The following CELF4 variants were observed in gnomAD, a reference collection of about 807,000 sequenced individuals.
CELF4 encodes the protein CUGBP Elav-like family member 4.
CELF4 carries 18 observed loss-of-function variants against 59.9 expected under a neutral mutation model. The ratio of observed to expected loss-of-function variants is 0.30; its 90% CI spans 0.21 to 0.45. CELF4 has a LOEUF of 0.45. Ranked by LOEUF, CELF4 falls within the 20% of genes least tolerant of loss-of-function variation. The pLI, the probability that CELF4 is intolerant of heterozygous loss-of-function variation, is 1.00. For missense variants in CELF4, 456 were observed against 689.0 expected (o/e 0.66, Z 3.79); for synonymous variants, 261 against 267.1 (o/e 0.98, Z 0.22).
At chr18:37,408,086 T>A (rs1206337917) in intron 2 of CELF4, among the ~76,000 whole-genome samples, 2 of 152,142 alleles carry the variant, frequency 1.3e-5, no homozygotes, top group African/African-American at 4.8e-5. Flanking sequence ...AAAGTGGAAT[T>A]TGGAATAGCT....
intron 3 of CELF4, among the ~76,000 whole-genome samples, chr18:37,286,592 T>C (rs1043089147): frequency 2.0e-5 from 3 of 152,288 alleles, no homozygotes; most frequent in Non-Finnish European, 2.9e-5. Flanking sequence ...ATATTGACAG[T>C]GGGGCTTGGC....
At chr18:37,312,110 C>CAAAAAAAAA (rs59872500) in intron 3 of CELF4, among the ~76,000 whole-genome samples, 3 of 50,776 alleles carry the variant, frequency 5.9e-5, no homozygotes, top group Non-Finnish European at 8.0e-5. Context: ...GATTCCGTCT[C>CAAAAAAAAA]AAAAAAAAAA....
intron 3 of CELF4, among the ~76,000 whole-genome samples, chr18:37,298,459 C>A (rs1272156151): frequency 6.6e-6 from 1 of 152,158 alleles, no homozygotes; most frequent in Non-Finnish European, 1.5e-5. Context: ...GTGGCTCACA[C>A]CTGTAATCCC....
At chr18:37,552,839 T>C (rs1171859602) in intron 1 of CELF4, among the ~76,000 whole-genome samples, 1 of 152,198 alleles carries the variant, frequency 6.6e-6, no homozygotes, top group Non-Finnish European at 1.5e-5. Flanking sequence ...GGAGGAAGCA[T>C]GTCCTCTGCA....
At chr18:37,362,336 C>T (rs1194935592) in intron 2 of CELF4, among the ~76,000 whole-genome samples, 4 of 152,200 alleles carry the variant, frequency 2.6e-5, no homozygotes, top group Non-Finnish European at 4.4e-5. Context: ...GTCAGGGTTG[C>T]GGACGCATCA....
Position 37,445,871 on chromosome 18 carries a change from C to T in CELF4, c.369+39654G>A, listed in dbSNP as rs1310074806. Among the ~76,000 whole-genome samples the T allele has an allele frequency of 5.9e-5, 9 of 152,152 alleles. No individual in the cohort carries two copies. The East Asian group carries it at 1.7e-3, about 29-fold the overall frequency. ...TGCCCGCAGGTCTCTTTCTCTGTCT[C>T]CCACCACCACCATCCTCCTCCTCCT... On this transcript the variant is annotated intron_variant, in intron 2 of 12. Coordinates refer to ENST00000420428, the MANE Select transcript of CELF4 (RefSeq NM_020180.4).
At chr18:37,466,965 G>A (rs561902499) in intron 2 of CELF4, among the ~76,000 whole-genome samples, 2 of 152,280 alleles carry the variant, frequency 1.3e-5, no homozygotes, top group East Asian at 3.9e-4. Flanking sequence ...TCACGGGTGG[G>A]GGAGTCAGAA....
chr18:37,247,945 A>T (rs960940209), intron 12 of CELF4, among the ~76,000 whole-genome samples: 2 of 152,204 alleles, frequency 1.3e-5, no homozygotes, highest in African/African-American at 4.8e-5. Flanking sequence ...CCTGTGGGCC[A>T]GCAGGGGATG....
chr18:37,413,818 G>A (rs1453414558), intron 2 of CELF4, among the ~76,000 whole-genome samples: 2 of 152,196 alleles, frequency 1.3e-5, no homozygotes, highest in Non-Finnish European at 2.9e-5. Context: ...TGGTGTGAAG[G>A]AAGAACTGCA....
intron 3 of CELF4, among the ~76,000 whole-genome samples, chr18:37,305,120 A>G (rs2096310203): frequency 6.6e-6 from 1 of 152,230 alleles, no homozygotes; most frequent in African/African-American, 2.4e-5. Context: ...CTACAGTGTT[A>G]TTAAACTAAA....
chr18:37,333,957 G>A (rs972233506), intron 2 of CELF4, among the ~76,000 whole-genome samples: 7 of 152,066 alleles, frequency 4.6e-5, no homozygotes, highest in Non-Finnish European at 2.9e-5. Flanking sequence ...GGAGGGCACC[G>A]GGTCCATCCT....
At chr18:37,451,996 C>T (rs2099765402) in intron 2 of CELF4, among the ~76,000 whole-genome samples, 1 of 152,176 alleles carries the variant, frequency 6.6e-6, no homozygotes, top group African/African-American at 2.4e-5. Flanking sequence ...CTCCTCTGCC[C>T]AGCACCTGGG....
intron 2 of CELF4, among the ~76,000 whole-genome samples, chr18:37,449,705 T>C (rs1357797480): frequency 6.6e-6 from 1 of 152,124 alleles, no homozygotes; most frequent in Non-Finnish European, 1.5e-5. Flanking sequence ...GCCTCTCTGA[T>C]AAGGTGACAT....
chr18:37,298,598 C>T (rs2095812859), intron 3 of CELF4, among the ~76,000 whole-genome samples: 1 of 152,006 alleles, frequency 6.6e-6, no homozygotes, highest in South Asian at 2.1e-4. Context: ...AGTGTGGTGG[C>T]ACACACCTCC....
chr18:37,262,274 C>T (rs760671282), intron 10 of CELF4, among the ~76,000 whole-genome samples: 7 of 152,170 alleles, frequency 4.6e-5, no homozygotes, highest in Non-Finnish European at 1.0e-4. Context: ...TGGGGTGGCT[C>T]AACCCATGGA....
chr18:37,393,967 T>A (rs2099203705), intron 2 of CELF4, among the ~76,000 whole-genome samples: 2 of 142,242 alleles, frequency 1.4e-5, no homozygotes, highest in South Asian at 4.7e-4. Context: ...GCGCCAGAGG[T>A]CGGCTCTGGG....
intron 2 of CELF4, among the ~76,000 whole-genome samples, chr18:37,463,035 T>C (rs2027755): frequency 0.73 from 110,547 of 152,054 alleles, 41,621 homozygotes; most frequent in South Asian, 0.89. Flanking sequence ...AAGACACAGC[T>C]CTTGTCCTCA....
At chr18:37,546,343 A>T (rs1197430086) in intron 1 of CELF4, among the ~76,000 whole-genome samples, 2 of 152,114 alleles carry the variant, frequency 1.3e-5, no homozygotes, top group Non-Finnish European at 2.9e-5. Context: ...GTGTGTGGGC[A>T]GGTGCACACA....
intron 1 of CELF4, among the ~76,000 whole-genome samples, chr18:37,549,509 C>T (rs1484093622): frequency 1.3e-5 from 2 of 152,216 alleles, no homozygotes; most frequent in African/African-American, 2.4e-5. Flanking sequence ...GTGACCCCTT[C>T]CCTGCCTTGC....
Sources: gnomAD v4.1 joint callset for allele counts (sites outside exome capture counted in the v4.1 genomes callset) on GRCh38, gnomAD v4.1.1 for gene constraint, MANE v1.5 for transcripts, NCBI Gene and HGNC (gene_info 2026-07-23, HGNC 2026-07-21) for gene names.